The following MLLT10 variants were observed in gnomAD, a reference collection of about 807,000 sequenced individuals.
The protein encoded by MLLT10 is protein AF-10.
Under a neutral mutation model 129.1 loss-of-function variants are expected in MLLT10, and 30 were observed. The observed-to-expected ratio is 0.23, with a 90% CI of 0.17 to 0.32. The LOEUF (loss-of-function observed/expected upper bound fraction) is 0.32. MLLT10 is among the 10% of genes least tolerant of loss of function. The pLI, the probability that MLLT10 is intolerant of heterozygous loss-of-function variation, is 1.00. For synonymous variants in MLLT10, 490 were observed against 446.4 expected (o/e 1.10, Z -1.23); for missense variants, 1,119 against 1,268.3 (o/e 0.88, Z 1.79).
At chr10:21,590,256 A>T (rs1274227820) in intron 4 of MLLT10, among the ~76,000 whole-genome samples, 2 of 152,056 alleles carry the variant, frequency 1.3e-5, no homozygotes, top group African/African-American at 2.4e-5. Context: ...TTATAAACTT[A>T]AGTCAATTTT....
intron 14 of MLLT10, among the ~76,000 whole-genome samples, chr10:21,725,384 G>T (rs2057409377): frequency 1.3e-5 from 2 of 152,150 alleles, no homozygotes; most frequent in South Asian, 4.1e-4. Flanking sequence ...TTAAAAGCAG[G>T]AATAGTTACC....
At chr10:21,726,220 A>G (rs1053706096) in intron 14 of MLLT10, 24 bp from the exon 15 acceptor site, 1 of 1,386,596 alleles carries the variant, frequency 7.2e-7, no homozygotes, top group South Asian at 1.2e-5. Flanking sequence ...TAATTCATTT[A>G]TCATTGTAAT....
At chr10:21,666,891 C>A (rs964254458) in intron 9 of MLLT10, among the ~76,000 whole-genome samples, 1 of 152,132 alleles carries the variant, frequency 6.6e-6, no homozygotes, top group Non-Finnish European at 1.5e-5. Context: ...CATCATCTCT[C>A]TGTACTATAT....
At chr10:21,615,457 C>CAAAAAAAAAAAA (rs71393914) in intron 7 of MLLT10, among the ~76,000 whole-genome samples, 34 of 75,096 alleles carry the variant, frequency 4.5e-4, no homozygotes, top group Non-Finnish European at 5.9e-4. Flanking sequence ...GACTCCGTCT[C>CAAAAAAAAAAAA]AAAAAAAAAA....
rs1425167505 is a variant in MLLT10 at position 21,670,463 on chromosome 10, T to C, written c.810T>C (p.Thr270=). 3.1e-6 allele frequency: 5 copies of C among 1,611,606 alleles called. No homozygotes were observed. The South Asian group carries it at 5.5e-5, about 18-fold the overall frequency. Residue 270 remains threonine (T), a synonymous_variant, in exon 10 of 23, where the codon ACT becomes ACC. Transcript: ENST00000307729. ...CAAAATGTTAGACTTATACAAGCAC[T>C]AGCAACAACTCTATATCTGGATCAT... ...TVTTEKTYTS[T]SNNSISGSLK...
intron 14 of MLLT10, among the ~76,000 whole-genome samples, chr10:21,714,656 C>T (rs1008733862): frequency 1.3e-5 from 2 of 152,078 alleles, no homozygotes; most frequent in Non-Finnish European, 2.9e-5. Context: ...CTCAGCCTCC[C>T]GACTAGCTGA....
intron 9 of MLLT10, among the ~76,000 whole-genome samples, chr10:21,661,402 ATTTC>A (rs1271850770): frequency 1.3e-5 from 2 of 152,164 alleles, no homozygotes; most frequent in African/African-American, 4.8e-5. Flanking sequence ...TGCAGTATCA[ATTTC>A]TATCAGTTTT....
intron 3 of MLLT10, among the ~76,000 whole-genome samples, chr10:21,583,982 G>T (rs1450164546): frequency 1.3e-5 from 2 of 151,276 alleles, no homozygotes; most frequent in Non-Finnish European, 2.9e-5. Context: ...CCATTCTTCT[G>T]CTTCAGCCTC....
chr10:21,621,532 A>G (rs1191621047), intron 8 of MLLT10, among the ~76,000 whole-genome samples: 1 of 152,162 alleles, frequency 6.6e-6, no homozygotes, highest in Non-Finnish European at 1.5e-5. Flanking sequence ...GGCGTGAGCT[A>G]CCGCGCCCAG....
chr10:21,725,951 C>T (rs1368580422), intron 14 of MLLT10, among the ~76,000 whole-genome samples: 2 of 151,816 alleles, frequency 1.3e-5, no homozygotes, highest in African/African-American at 4.8e-5. Flanking sequence ...GGGGGTTTCA[C>T]CATGTTACCC....
chr10:21,712,893 A>C (rs1646985688), intron 13 of MLLT10, among the ~76,000 whole-genome samples: 1 of 152,210 alleles, frequency 6.6e-6, no homozygotes, highest in South Asian at 2.1e-4. Context: ...TATGCTGAGC[A>C]TGATTTTCTT....
Position 21,640,218 on chromosome 10 carries a change from T to A in MLLT10, c.700-11455T>A, listed in dbSNP as rs1211280140. 2.2e-5 allele frequency among the ~76,000 whole-genome samples: 3 copies of A among 135,888 alleles called. No homozygotes were observed. In the East Asian group the frequency reaches 5.9e-4, roughly 27 times the overall value. The allele number at this position is 135,888 out of a possible 152,430, so 89.1% of individuals were successfully genotyped here. On this transcript the variant is annotated intron_variant, in intron 8 of 22. Coordinates refer to ENST00000307729, the MANE Select transcript of MLLT10 (RefSeq NM_001195626.3). ...ATAATATTTATATATTATATTATAT[T>A]ATATATTATATATTATGTAATATAA... is the stretch of plus-strand genomic sequence containing the variant.
intron 14 of MLLT10, among the ~76,000 whole-genome samples, chr10:21,715,380 CT>C (rs1233826820): frequency 6.6e-6 from 1 of 152,168 alleles, no homozygotes; most frequent in African/African-American, 2.4e-5. Flanking sequence ...AGGAGTTTGA[CT>C]ACTTTAGCAG....
intron 13 of MLLT10, among the ~76,000 whole-genome samples, chr10:21,689,935 AGATG>A (rs1021414221): frequency 1.3e-5 from 2 of 151,918 alleles, no homozygotes; most frequent in African/African-American, 2.4e-5. Context: ...CAAACTGATG[AGATG>A]TGTATTACCC....
intron 5 of MLLT10, among the ~76,000 whole-genome samples, chr10:21,607,442 T>A (rs981814595): frequency 1.8e-4 from 27 of 149,906 alleles, no homozygotes; most frequent in Non-Finnish European, 3.7e-4. Flanking sequence ...CACTTCAGCC[T>A]CCTGAGTAGC....
intron 11 of MLLT10, 103 bp from the exon 12 acceptor site, chr10:21,681,229 A>G: frequency 6.8e-7 from 1 of 1,470,690 alleles, no homozygotes; most frequent in Non-Finnish European, 9.4e-7. Context: ...ACTTAACTAC[A>G]CTTTTAGGTG....
intron 21 of MLLT10, among the ~76,000 whole-genome samples, chr10:21,737,640 G>C (rs2058481305): frequency 2.6e-5 from 4 of 152,240 alleles, no homozygotes; most frequent in Middle Eastern, 3.4e-3. Context: ...TTAGATAAGA[G>C]GGGAGATGGG....
At chr10:21,695,832 A>G (rs966469315) in intron 13 of MLLT10, among the ~76,000 whole-genome samples, 1 of 152,158 alleles carries the variant, frequency 6.6e-6, no homozygotes, top group Non-Finnish European at 1.5e-5. Context: ...ACACAAGACT[A>G]TGTGGCTATA....
intron 5 of MLLT10, among the ~76,000 whole-genome samples, chr10:21,596,049 A>G (rs2042989877): frequency 6.6e-6 from 1 of 152,046 alleles, no homozygotes; most frequent in Non-Finnish European, 1.5e-5. Context: ...GAAGGTACAC[A>G]TTCCATCCGT....
Sources: allele counts gnomAD v4.1 joint callset (sites outside exome capture counted in the v4.1 genomes callset), GRCh38; gene constraint gnomAD v4.1.1; transcripts MANE v1.5; gene names NCBI Gene and HGNC (gene_info 2026-07-23, HGNC 2026-07-21).